Variants in ASAP1 observed in about 807,000 individuals in gnomAD.
ASAP1 encodes the protein arf-GAP with SH3 domain, ANK repeat and PH domain-containing protein 1.
Under a neutral mutation model 145.2 loss-of-function variants are expected in ASAP1, and 43 were observed. The observed-to-expected ratio is 0.30, with a 90% CI of 0.23 to 0.38. The LOEUF (loss-of-function observed/expected upper bound fraction) is 0.38. ASAP1 is among the 10% of genes least tolerant of loss of function. The probability of loss-of-function intolerance (pLI) is 1.00; values close to 1 mark genes in which losing one functional copy is unlikely to be tolerated. For missense variants in ASAP1, 1,018 were observed against 1,355.3 expected (o/e 0.75, Z 3.91); for synonymous variants, 546 against 515.5 (o/e 1.06, Z -0.80).
At chr8:130,149,400 G>A (rs1007515033) in intron 13 of ASAP1, among the ~76,000 whole-genome samples, 12 of 151,880 alleles carry the variant, frequency 7.9e-5, no homozygotes, top group Admixed American at 2.0e-4. Context: ...AAGAATTTAT[G>A]AATGAAATCT....
rs770137664 is a variant in ASAP1 at position 130,060,750 on chromosome 8, G to A, written c.3021C>T (p.Val1007=). The change falls in exon 28 of 30, where the codon GTC becomes GTT. Residue 1007 remains valine, a synonymous_variant. Coordinates refer to ENST00000518721, the MANE Select transcript of ASAP1 (RefSeq NM_018482.4). ...DLLAKSQTGD[V]SPKAQQPSEV... is the part of the protein sequence containing the mutation. ...CAGAGGGTTGCTGAGCCTTGGGTGAGACATCTCCAGTCTGGGATTTTGCTA... is the reference window on the plus strand; with the variant it reads ...CAGAGGGTTGCTGAGCCTTGGGTGAAACATCTCCAGTCTGGGATTTTGCTA... The A allele has an allele frequency of 1.5e-5, 24 of 1,614,176 alleles. No homozygotes were observed. The Admixed American group carries it at 3.0e-4, about 20-fold the overall frequency.
intron 2 of ASAP1, among the ~76,000 whole-genome samples, chr8:130,362,892 C>T (rs1191932020): frequency 6.6e-6 from 1 of 152,056 alleles, no homozygotes; most frequent in Non-Finnish European, 1.5e-5. Flanking sequence ...CAACATAGTC[C>T]CTGTAAAGAA....
At chr8:130,259,904 G>A (rs909000451) in intron 3 of ASAP1, among the ~76,000 whole-genome samples, 1 of 152,140 alleles carries the variant, frequency 6.6e-6, no homozygotes, top group African/African-American at 2.4e-5. Context: ...CAAATTAAGT[G>A]CATTTATCTA....
At position 130,358,188 on chromosome 8, in the gene ASAP1, C is replaced by T. The variant is rs561269520; in HGVS notation, c.60-45G>A. ...ACAAGCGGGGGCGGGGGGTGAGTCA[C>T]GGCGCAGGCTCCCGGGGCCGCGGGC... On this transcript the variant is annotated intron_variant, in intron 2 of 29. Coordinates refer to ENST00000518721, the MANE Select transcript of ASAP1 (RefSeq NM_018482.4). This position sits in a 1 kb window ranked among gnomAD's most constrained non-coding sequence, Gnocchi z 4.1. 2.6e-6 allele frequency: 4 copies of T among 1,554,776 alleles called. No homozygotes were observed. The highest frequency in any genetic ancestry group is 3.5e-6 in the Non-Finnish European group (4 of 1,151,312).
intron 3 of ASAP1, among the ~76,000 whole-genome samples, chr8:130,300,113 TACACACACACACACACAC>T (rs373589102): frequency 8.2e-5 from 6 of 72,910 alleles, no homozygotes; most frequent in South Asian, 1.2e-3. Context: ...AAAAGAAAAA[TACACACACACACACACAC>T]ACACACACAC....
chr8:130,304,091 G>C (rs1586793074), intron 3 of ASAP1, among the ~76,000 whole-genome samples: 3 of 151,508 alleles, frequency 2.0e-5, no homozygotes, highest in Non-Finnish European at 1.5e-5. Context: ...CTTTTGGCTC[G>C]ATTTTTCTGT....
At chr8:130,424,613 G>T (rs1239507844) in intron 1 of ASAP1, among the ~76,000 whole-genome samples, 1 of 152,126 alleles carries the variant, frequency 6.6e-6, no homozygotes, top group Non-Finnish European at 1.5e-5. Flanking sequence ...GTGATAAAAG[G>T]GACCAGGTGC....
intron 3 of ASAP1, among the ~76,000 whole-genome samples, chr8:130,253,034 G>A (rs1177819142): frequency 6.6e-6 from 1 of 152,004 alleles, no homozygotes; most frequent in Non-Finnish European, 1.5e-5. Context: ...TATTTGTCTG[G>A]GTCTTGACCT....
At chr8:130,387,465 G>A (rs573585847) in intron 2 of ASAP1, among the ~76,000 whole-genome samples, 38 of 152,018 alleles carry the variant, frequency 2.5e-4, no homozygotes, top group African/African-American at 8.7e-4. Context: ...GGACCCAGGA[G>A]GTGGAGGTTG....
At chr8:130,334,307 G>A (rs907866135) in intron 3 of ASAP1, among the ~76,000 whole-genome samples, 17 of 152,062 alleles carry the variant, frequency 1.1e-4, no homozygotes, top group African/African-American at 3.9e-4. Flanking sequence ...CTTGGGTAAC[G>A]GAAAAAGAAA....
At chr8:130,111,665 G>C (rs2097547158) in intron 24 of ASAP1, among the ~76,000 whole-genome samples, 1 of 152,182 alleles carries the variant, frequency 6.6e-6, no homozygotes, top group Non-Finnish European at 1.5e-5. Context: ...TTAATGTAGA[G>C]AAAAGTAACT....
chr8:130,437,104 CAAA>C (rs56207589), intron 1 of ASAP1, among the ~76,000 whole-genome samples: 28 of 89,378 alleles, frequency 3.1e-4, no homozygotes, highest in African/African-American at 6.3e-4. Context: ...GATTTCATCT[CAAA>C]AAAAAAAAAA....
chr8:130,178,177 T>C (rs925881892), intron 9 of ASAP1, among the ~76,000 whole-genome samples: 3 of 152,184 alleles, frequency 2.0e-5, no homozygotes, highest in African/African-American at 4.8e-5. Context: ...TTTTTGAGAG[T>C]ATTTTATCTA....
chr8:130,157,815 T>TAATA (rs1248990435), intron 12 of ASAP1, among the ~76,000 whole-genome samples: 1 of 152,154 alleles, frequency 6.6e-6, no homozygotes, highest in Non-Finnish European at 1.5e-5. Flanking sequence ...ATCACCTGTA[T>TAATA]AATAGCAAGA....
At chr8:130,103,377 T>C (rs2097532001) in intron 24 of ASAP1, among the ~76,000 whole-genome samples, 1 of 152,176 alleles carries the variant, frequency 6.6e-6, no homozygotes. Flanking sequence ...TTCTGTATTG[T>C]CTTTTCAGTT....
intron 11 of ASAP1, among the ~76,000 whole-genome samples, chr8:130,163,396 C>T (rs1262967022): frequency 6.6e-6 from 1 of 152,138 alleles, no homozygotes; most frequent in Non-Finnish European, 1.5e-5. Context: ...ACAAACTCCT[C>T]GGAGTGAATG....
intron 23 of ASAP1, 72 bp downstream of exon 23, chr8:130,115,556 A>T (rs762973120): frequency 3.3e-5 from 39 of 1,183,642 alleles, no homozygotes; most frequent in Non-Finnish European, 4.6e-5. Flanking sequence ...CTCACCAAAA[A>T]TGGATCTTGT....
intron 3 of ASAP1, among the ~76,000 whole-genome samples, chr8:130,289,954 T>C (rs1030749840): frequency 1.3e-5 from 2 of 152,166 alleles, no homozygotes; most frequent in African/African-American, 2.4e-5. Flanking sequence ...CTCTTAACAT[T>C]TGGAATTCAG....
At chr8:130,314,425 A>G (rs183273772) in intron 3 of ASAP1, among the ~76,000 whole-genome samples, 25 of 152,348 alleles carry the variant, frequency 1.6e-4, no homozygotes, top group Non-Finnish European at 2.9e-5. Flanking sequence ...CATCATGCCC[A>G]TGTTACAGAT....
Sources: allele counts gnomAD v4.1 joint callset (sites outside exome capture counted in the v4.1 genomes callset), GRCh38; gene constraint gnomAD v4.1.1; non-coding constraint Gnocchi (gnomAD v3.1); transcripts MANE v1.5; gene names NCBI Gene and HGNC (gene_info 2026-07-23, HGNC 2026-07-21).